The following GRIN2C variants were observed in gnomAD, a reference collection of about 807,000 sequenced individuals.
The protein encoded by GRIN2C is glutamate receptor ionotropic, NMDA 2C.
GRIN2C carries 64 observed loss-of-function variants against 77.7 expected under a neutral mutation model. The ratio of observed to expected loss-of-function variants is 0.82; its 90% CI spans 0.67 to 1.01. GRIN2C has a LOEUF of 1.01. Among genes scored for constraint, GRIN2C ranks in the 50% least tolerant of loss-of-function variants. The pLI, the probability that GRIN2C is intolerant of heterozygous loss-of-function variation, is 0.00. For missense variants in GRIN2C, 1,549 were observed against 1,486.0 expected, an observed-to-expected ratio of 1.04 and a Z score of -0.70; for synonymous variants, 792 against 643.4, an observed-to-expected ratio of 1.23 and a Z score of -3.49.
At chr17:74,860,799 C>T, upstream of GRIN2C, 2 of 329,798 alleles carry the variant, frequency 6.1e-6, no homozygotes, top group Non-Finnish European at 1.2e-5. Context: ...TAGGCTGGGG[C>T]AAAGGAGATG....
Position 74,850,300 on chromosome 17 carries a change from G to C in GRIN2C, c.1397C>G (p.Ala466Gly), listed in dbSNP as rs758429377. 9.9e-5 allele frequency: 159 copies of C among 1,613,692 alleles called. No homozygotes were observed. The highest frequency in any genetic ancestry group is 1.2e-4 in the Non-Finnish European group (146 of 1,179,934). ...GTCGTAGGAGAATTTGACCACTCTG[G>C]CCAGCTTCTTGAGGATGTCGATGCA... The part of the protein sequence containing the change: ...GFCIDILKKL[A>G]RVVKFSYDLY... Residue 466 changes from alanine to glycine, a missense_variant, in exon 6 of 13, where the codon GCC (alanine) becomes GGC (glycine). Around this residue, in one of 3 missense-constraint regions of GRIN2C, gnomAD observed 717 missense variants for 858.1 expected, o/e 0.84. Transcript: ENST00000293190. The surrounding 1 kb of genome is among the most constrained non-coding windows in gnomAD (Gnocchi z 5.3).
In GRIN2C at chr17:74,849,743, T is replaced by G; in HGVS notation, c.1645+37A>C. On this transcript the variant is annotated intron_variant, in intron 7 of 12. Coordinates refer to ENST00000293190, the MANE Select transcript of GRIN2C (RefSeq NM_000835.6). The surrounding 1 kb of genome is among the most constrained non-coding windows in gnomAD (Gnocchi z 4.6). ...TACACACCCTCCTCGTGGGCCCCTC[T>G]GCCCCCGGAGCCGTCTCTGCCCACC... The G allele has an allele frequency of 6.3e-7, 1 of 1,586,344 alleles. No individual in the cohort carries two copies. The highest frequency in any genetic ancestry group is 8.6e-7 in the Non-Finnish European group (1 of 1,168,400).
intron 7 of GRIN2C, 117 bp from the exon 8 acceptor site, chr17:74,848,094 G>C (rs969134944): frequency 1.8e-6 from 2 of 1,125,562 alleles, no homozygotes; most frequent in South Asian, 2.8e-5. Flanking sequence ...CCAGCTCTGC[G>C]GACCCAGCCA....
In GRIN2C at chr17:74,854,857, G is replaced by A. The variant is rs1567898826; in HGVS notation, c.236C>T (p.Thr79Ile). 6.2e-7 allele frequency: 1 copy of A among 1,613,800 alleles called. No individual in the cohort carries two copies. Among genetic ancestry groups the A allele is most frequent in the South Asian group, 1.1e-5 (1 of 91,072 alleles). ...AGCACCCAGGAGGCCGCAGATCTGG[G>A]TGAGGAGGCTGCTGGGGTTGGTGGT... ...VNTTNPSSLL[T>I]QICGLLGAAH... The change falls in exon 2 of 13, where the codon ACC becomes ATC. Residue 79 changes from threonine to isoleucine, a missense_variant. Coordinates refer to ENST00000293190, the MANE Select transcript of GRIN2C (RefSeq NM_000835.6).
At position 74,847,599 on chromosome 17, in the gene GRIN2C, C is replaced by T. The variant is rs900232636; in HGVS notation, c.1772-62G>A. 123 of 1,240,822 alleles carry T rather than the reference C, an allele frequency of 9.9e-5. No homozygotes were observed. Among genetic ancestry groups the T allele is most frequent in the Non-Finnish European group, 1.3e-4 (117 of 868,274 alleles). The allele number at this position is 1,240,822 out of a possible 1,614,324, so 76.9% of individuals were successfully genotyped here. A position where few individuals can be genotyped will look rare whatever the true frequency, so the allele number is the denominator to read the frequency against. On this transcript the variant is annotated intron_variant, in intron 8 of 12. Transcript: ENST00000293190. The surrounding 1 kb of genome is among the most constrained non-coding windows in gnomAD (Gnocchi z 5.2). Reference sequence around the variant, plus strand: ...CTGCCCACCATGAAAGGGCTCAGGGCTCAGCCCACCCGACTGCACAGCTCC... The same window carrying T: ...CTGCCCACCATGAAAGGGCTCAGGGTTCAGCCCACCCGACTGCACAGCTCC...
At chr17:74,848,782 G>C (rs968381734) in intron 7 of GRIN2C, among the ~76,000 whole-genome samples, 1 of 152,168 alleles carries the variant, frequency 6.6e-6, no homozygotes, top group African/African-American at 2.4e-5. Flanking sequence ...TTGGGCGGCT[G>C]AGGCAGGTGG....
chr17:74,855,441 G>A (rs2037794321), intron 1 of GRIN2C, among the ~76,000 whole-genome samples: 1 of 152,220 alleles, frequency 6.6e-6, no homozygotes, highest in African/African-American at 2.4e-5. Context: ...GAAAATGCTA[G>A]TCTGGGGTTC....
chr17:74,851,304 A>G (rs1031596214), intron 4 of GRIN2C: 9 of 430,824 alleles, frequency 2.1e-5, no homozygotes, highest in Admixed American at 1.2e-4. Flanking sequence ...GTCATGGGTT[A>G]CTCCTGCAGG....
At position 74,843,407 on chromosome 17, in the gene GRIN2C, G is replaced by A. The variant is rs1454379452; in HGVS notation, c.2730C>T (p.Ser910=). 6.5e-7 allele frequency: 1 copy of A among 1,535,874 alleles called. No homozygotes were observed. The highest frequency in any genetic ancestry group is 8.7e-7 in the Non-Finnish European group (1 of 1,146,076). The part of the protein sequence containing the change: ...ARDMVTTAGV[S]SSLDRATRTI... The stretch of plus-strand genomic sequence containing the variant: ...TGCGAGTGGCGCGGTCCAGGGAGCT[G>A]CTTACGCCCGCCGTGGTCACCATGT... The change falls in exon 13 of 13, where the codon AGC becomes AGT. Residue 910 remains serine, a synonymous_variant. Transcript: ENST00000293190.
upstream of GRIN2C, chr17:74,860,776 G>A (rs2037931995): frequency 2.9e-6 from 1 of 341,972 alleles, no homozygotes; most frequent in African/African-American, 2.2e-5. Flanking sequence ...CCAGGTCGCA[G>A]GAAGGAGAGA....
rs1204175089 is a variant in GRIN2C, at chr17:74,847,097, C to T, written c.2002-177G>A. 2.6e-6 allele frequency: 2 copies of T among 756,844 alleles called. No homozygotes were observed. The highest frequency in any genetic ancestry group is 4.2e-6 in the Non-Finnish European group (2 of 477,256). The allele number at this position is 756,844 out of a possible 1,614,324, so 46.9% of individuals were successfully genotyped here. A position where few individuals can be genotyped will look rare whatever the true frequency, so the allele number is the denominator to read the frequency against. On this transcript the variant is annotated intron_variant, in intron 9 of 12. Transcript: ENST00000293190. The surrounding 1 kb of genome is among the most constrained non-coding windows in gnomAD (Gnocchi z 5.2). The stretch of plus-strand genomic sequence containing the variant: ...CAAATGGAGACTCTGAGGCCCAAGA[C>T]AGGGAGAGACTTACCCAAGGCCTCT...
intron 2 of GRIN2C, chr17:74,853,731 A>G (rs531829300): frequency 1.3e-5 from 2 of 152,150 alleles, no homozygotes; most frequent in Non-Finnish European, 2.9e-5. Flanking sequence ...TATACTTTTT[A>G]ATGTATACTC....
Position 74,852,484 on chromosome 17 carries a change from G to C in GRIN2C, c.527C>G (p.Ala176Gly). The C allele has an allele frequency of 1.3e-6, 2 of 1,565,960 alleles. No homozygotes were observed. Among genetic ancestry groups the C allele is most frequent in the Middle Eastern group, 1.7e-4 (1 of 5,944 alleles). The change falls in exon 3 of 13, where the codon GCG becomes GGG. Residue 176 changes from alanine (A) to glycine (G), a missense_variant. Ala to Gly is a moderately conservative substitution (Grantham distance 60). This residue lies in a region of GRIN2C where 382 missense variants were observed against 360.0 expected (regional missense o/e 1.06). Coordinates refer to ENST00000293190, the MANE Select transcript of GRIN2C (RefSeq NM_000835.6). ...AVITSLHPGHALFLEGVRAVA... is the reference protein window; with the variant it reads ...AVITSLHPGHGLFLEGVRAVA... ...GGCGCGCACGCCCTCCAGGAAGAGC[G>C]CGTGGCCCGGGTGCAGGCTGGTGAT...
At chr17:74,845,764 GAAGA>G (rs2037435335) in intron 11 of GRIN2C, among the ~76,000 whole-genome samples, 2 of 152,258 alleles carry the variant, frequency 1.3e-5, no homozygotes, top group East Asian at 3.9e-4. Context: ...TCTTAGGGAA[GAAGA>G]AAGGAGTTCA....
intron 1 of GRIN2C, among the ~76,000 whole-genome samples, chr17:74,858,013 C>T (rs997304401): frequency 2.6e-5 from 4 of 152,068 alleles, no homozygotes; most frequent in African/African-American, 9.7e-5. Context: ...CTTGTGGCTC[C>T]CATTTTATTT....
At position 74,855,486 on chromosome 17, in the gene GRIN2C, C is replaced by T. The variant is rs548784922; in HGVS notation, c.-15-379G>A. 9.8e-5 allele frequency among the ~76,000 whole-genome samples: 15 copies of T among 152,328 alleles called. No homozygotes were observed. The East Asian group carries it at 2.1e-3, about 22-fold the overall frequency. On this transcript the variant is annotated intron_variant, in intron 1 of 12. Transcript: ENST00000293190. ...GATTTGAGTCAGACAGATCTGAGTT[C>T]GTGTCCCAGTTCTGCCACTAACTGG...
chr17:74,847,425 C>T lies in GRIN2C; in HGVS notation c.1884G>A (p.Met628Ile). ...ENPRGTTSKI[M>I]VLVWAFFAVI... ...CAGCAAAGAAGGCCCAGACCAGAAC[C>T]ATGATCTTGCTGGTGGTGCCCCGCG... Residue 628 changes from methionine to isoleucine, a missense_variant, in exon 9 of 13, where the codon ATG (methionine) becomes ATA (isoleucine). Physicochemically the swap from Met to Ile is conservative, Grantham distance 10. Coordinates refer to ENST00000293190, the MANE Select transcript of GRIN2C (RefSeq NM_000835.6). This position sits in a 1 kb window ranked among gnomAD's most constrained non-coding sequence, Gnocchi z 5.2. 1 of 1,614,098 alleles carries T rather than the reference C, an allele frequency of 6.2e-7. No individual in the cohort carries two copies. Among genetic ancestry groups the T allele is most frequent in the Non-Finnish European group, 8.5e-7 (1 of 1,179,954 alleles).
At chr17:74,860,366 C>A (rs2037923560), upstream of GRIN2C, 2 of 455,186 alleles carry the variant, frequency 4.4e-6, no homozygotes, top group Non-Finnish European at 8.8e-6. Flanking sequence ...AGCCAGAAGT[C>A]CCCTTGGACG....
chr17:74,852,484 G>A lies in GRIN2C; in HGVS notation c.527C>T (p.Ala176Val). ...AVITSLHPGH[A>V]LFLEGVRAVA... Reference sequence around the variant, plus strand: ...GGCGCGCACGCCCTCCAGGAAGAGCGCGTGGCCCGGGTGCAGGCTGGTGAT... The same window carrying A: ...GGCGCGCACGCCCTCCAGGAAGAGCACGTGGCCCGGGTGCAGGCTGGTGAT... Residue 176 changes from alanine to valine, a missense_variant, in exon 3 of 13, where the codon GCG (alanine) becomes GTG (valine). Coordinates refer to ENST00000293190, the MANE Select transcript of GRIN2C (RefSeq NM_000835.6). 1 of 1,565,960 alleles carries A rather than the reference G, an allele frequency of 6.4e-7. No individual in the cohort carries two copies. Among genetic ancestry groups the A allele is most frequent in the Non-Finnish European group, 8.6e-7 (1 of 1,165,496 alleles).
Sources: gnomAD v4.1 joint callset for allele counts (sites outside exome capture counted in the v4.1 genomes callset) on GRCh38, gnomAD v4.1.1 for gene constraint, gnomAD v4.1.1 regional missense constraint, Gnocchi (gnomAD v3.1) non-coding constraint, MANE v1.5 for transcripts, NCBI Gene and HGNC (gene_info 2026-07-23, HGNC 2026-07-21) for gene names.